Variants in TMEM132D observed in about 807,000 individuals in gnomAD.
TMEM132D encodes transmembrane protein 132D.
In TMEM132D, 21 loss-of-function variants were observed where a neutral mutation model predicts 62.3. The observed-to-expected ratio is 0.34, with a 90% CI of 0.24 to 0.49. TMEM132D has a LOEUF of 0.49. Among genes scored for constraint, TMEM132D ranks in the 20% least tolerant of loss-of-function variants. The pLI is 0.99. For missense variants in TMEM132D, 1,346 were observed against 1,402.8 expected (o/e 0.96, Z 0.65); for synonymous variants, 621 against 575.6 (o/e 1.08, Z -1.13).
chr12:129,630,232 G>A (rs951623548), intron 2 of TMEM132D, among the ~76,000 whole-genome samples: 3 of 152,294 alleles, frequency 2.0e-5, no homozygotes, highest in East Asian at 1.9e-4. Context: ...TATATGTCAC[G>A]TGTGTGTTTG....
At chr12:129,279,334 C>T (rs1012507359) in intron 4 of TMEM132D, among the ~76,000 whole-genome samples, 2 of 152,094 alleles carry the variant, frequency 1.3e-5, no homozygotes, top group Non-Finnish European at 2.9e-5. Flanking sequence ...TGGACCTTGG[C>T]GAAATACTAA....
At position 129,641,862 on chromosome 12, in the gene TMEM132D, G is replaced by A. The variant is rs151310437; in HGVS notation, c.968+57948C>T. Among the ~76,000 whole-genome samples, 3 of 152,282 alleles carry A rather than the reference G, an allele frequency of 2.0e-5. No individual in the cohort carries two copies. The East Asian group carries it at 5.8e-4, about 29-fold the overall frequency. On this transcript the variant is annotated intron_variant, in intron 2 of 8. Transcript: ENST00000422113. ...CAAGTCCTGCAGCAGCGCATCTGAA[G>A]GACCTATTATTCTATTTTCAGATTT...
At chr12:129,302,923 T>C (rs1881758064) in intron 4 of TMEM132D, among the ~76,000 whole-genome samples, 1 of 152,150 alleles carries the variant, frequency 6.6e-6, no homozygotes, top group Non-Finnish European at 1.5e-5. Context: ...GCATTTCTAG[T>C]CTCGTTTTCC....
At chr12:129,462,115 A>G (rs1593020385) in intron 3 of TMEM132D, among the ~76,000 whole-genome samples, 1 of 152,220 alleles carries the variant, frequency 6.6e-6, no homozygotes, top group East Asian at 1.9e-4. Context: ...TACTGTAAGA[A>G]AAGTCCTTAG....
rs796145548 is a variant in TMEM132D, at chr12:129,185,773, G to GTCTGTCTGTCTGTCTATCTATCTA, written c.1443+23746_1443+23747insTAGATAGATAGACAGACAGACAGA. Among the ~76,000 whole-genome samples, 1,067 of 135,974 alleles carry GTCTGTCTGTCTGTCTATCTATCTA rather than the reference G, an allele frequency of 7.8e-3. 6 individuals carry two copies. Among genetic ancestry groups the GTCTGTCTGTCTGTCTATCTATCTA allele is most frequent in the South Asian group, 0.01 (43 of 4,140 alleles). The allele number at this position is 135,974 out of a possible 152,430, so 89.2% of individuals were successfully genotyped here. On this transcript the variant is annotated intron_variant, in intron 5 of 8. Transcript: ENST00000422113. The stretch of plus-strand genomic sequence containing the variant: ...TCTTTTATCCATCATCTGTCTGTCT[G>GTCTGTCTGTCTGTCTATCTATCTA]TCTATCTATCTATCTATCTATCTAT...
intron 2 of TMEM132D, among the ~76,000 whole-genome samples, chr12:129,575,267 CA>C (rs1275688625): frequency 6.6e-6 from 1 of 151,776 alleles, no homozygotes; most frequent in Non-Finnish European, 1.5e-5. Flanking sequence ...GGCTACCCAT[CA>C]ACAGTAGGCT....
chr12:129,897,787 G>C (rs1327585624), intron 1 of TMEM132D, among the ~76,000 whole-genome samples: 2 of 152,212 alleles, frequency 1.3e-5, no homozygotes, highest in African/African-American at 4.8e-5. Flanking sequence ...AGGGTCATCT[G>C]TATACCAGGC....
intron 5 of TMEM132D, among the ~76,000 whole-genome samples, chr12:129,119,889 G>C (rs989966492): frequency 3.9e-5 from 6 of 152,168 alleles, no homozygotes; most frequent in Non-Finnish European, 5.9e-5. Flanking sequence ...TATGAGGCAG[G>C]GGGTGCTGGC....
At chr12:129,637,795 T>C (rs1879524302) in intron 2 of TMEM132D, among the ~76,000 whole-genome samples, 1 of 152,130 alleles carries the variant, frequency 6.6e-6, no homozygotes, top group Non-Finnish European at 1.5e-5. Flanking sequence ...GGGTCTTACA[T>C]GGCAGGAGAA....
chr12:129,346,677 C>T (rs1441711154), intron 3 of TMEM132D, among the ~76,000 whole-genome samples: 1 of 152,186 alleles, frequency 6.6e-6, no homozygotes, highest in African/African-American at 2.4e-5. Context: ...CTCACCACTC[C>T]TATTCAACAC....
chr12:129,094,666 G>C (rs1225193594), intron 5 of TMEM132D, among the ~76,000 whole-genome samples: 2 of 152,148 alleles, frequency 1.3e-5, no homozygotes, highest in African/African-American at 4.8e-5. Context: ...ATTTGACCCA[G>C]CCATCCTATT....
intron 3 of TMEM132D, among the ~76,000 whole-genome samples, chr12:129,522,157 A>C (rs761918796): frequency 6.6e-6 from 1 of 152,160 alleles, no homozygotes; most frequent in Non-Finnish European, 1.5e-5. Context: ...TCACCAAAGA[A>C]AGTTCTTACA....
At position 129,155,665 on chromosome 12, in the gene TMEM132D, C is replaced by A. The variant is rs548390656; in HGVS notation, c.1443+53855G>T. On this transcript the variant is annotated intron_variant, in intron 5 of 8. Transcript: ENST00000422113. Reference sequence around the variant, plus strand: ...TCTTCCTACAGCAGGGGGCAGACGGCCAAAGGCCAAGAGCAGGTGGGAGAG... The same window carrying A: ...TCTTCCTACAGCAGGGGGCAGACGGACAAAGGCCAAGAGCAGGTGGGAGAG... Among the ~76,000 whole-genome samples, 11 of 152,300 alleles carry A rather than the reference C, an allele frequency of 7.2e-5. No individual in the cohort carries two copies. In the East Asian group the frequency reaches 1.5e-3, roughly 21 times the overall value.
At chr12:129,085,740 C>T (rs1874596628) in intron 5 of TMEM132D, 1 of 152,216 alleles carries the variant, frequency 6.6e-6, no homozygotes, top group Non-Finnish European at 1.5e-5. Context: ...GATTTAGCCC[C>T]AGAAGTCTGG....
chr12:129,833,557 C>T (rs1048347613), intron 1 of TMEM132D, among the ~76,000 whole-genome samples: 5 of 152,212 alleles, frequency 3.3e-5, no homozygotes, highest in African/African-American at 4.8e-5. Flanking sequence ...CCCAGGAGTT[C>T]GAGGCTGCTG....
At chr12:129,553,293 C>G (rs1876953047) in intron 2 of TMEM132D, among the ~76,000 whole-genome samples, 1 of 152,196 alleles carries the variant, frequency 6.6e-6, no homozygotes, top group Non-Finnish European at 1.5e-5. Context: ...GGCTACGAGA[C>G]TTTGCACCTG....
At chr12:129,166,704 CACACACACATAT>C (rs1323163393) in intron 5 of TMEM132D, among the ~76,000 whole-genome samples, 8 of 141,662 alleles carry the variant, frequency 5.6e-5, no homozygotes, top group Admixed American at 3.7e-4. Context: ...CACACACACA[CACACACACATAT>C]ACACACACAC....
chr12:129,673,164 C>T (rs1375749917), intron 2 of TMEM132D, among the ~76,000 whole-genome samples: 1 of 149,912 alleles, frequency 6.7e-6, no homozygotes, highest in Non-Finnish European at 1.5e-5. Flanking sequence ...GAGAACCATT[C>T]CTCCTCTGCT....
intron 4 of TMEM132D, among the ~76,000 whole-genome samples, chr12:129,272,530 G>A (rs1334910047): frequency 6.6e-6 from 1 of 151,824 alleles, no homozygotes; most frequent in East Asian, 1.9e-4. Context: ...TTTATTTTGT[G>A]AAACAATATT....
Sources: gnomAD v4.1 joint callset for allele counts (sites outside exome capture counted in the v4.1 genomes callset) on GRCh38, gnomAD v4.1.1 for gene constraint, MANE v1.5 for transcripts, NCBI Gene and HGNC (gene_info 2026-07-23, HGNC 2026-07-21) for gene names.